ZNF732: variants seen among roughly 807,000 people sequenced by gnomAD.
ZNF732 encodes the protein zinc finger protein 732, also known as zinc finger protein LOC654254.
In ZNF732, 12 loss-of-function variants were observed where a neutral mutation model predicts 11.5. The observed-to-expected ratio is 1.05, with a 90% CI of 0.67 to 1.70. ZNF732 has a LOEUF of 1.70. Ranked by LOEUF, ZNF732 falls within the 40% of genes most tolerant of loss-of-function variation. The pLI, the probability that ZNF732 is intolerant of heterozygous loss-of-function variation, is 0.00. For missense variants in ZNF732, 702 were observed against 676.9 expected (o/e 1.04, Z -0.41); for synonymous variants, 231 against 236.5 (o/e 0.98, Z 0.21).
rs1357221152 is a variant in ZNF732 at position 271,899 on chromosome 4, T to C, written c.958A>G (p.Thr320Ala). Reference protein sequence around the residue: ...ECGKVFNRSTTLTKHNRIHTG... With the variant: ...ECGKVFNRSTALTKHNRIHTG... Reference sequence around the variant, plus strand: ...TGAATTCTGTTATGTTTAGTAAGGGTTGTGGACCTATTAAAGACTTTGCCA... The same window carrying C: ...TGAATTCTGTTATGTTTAGTAAGGGCTGTGGACCTATTAAAGACTTTGCCA... Residue 320 changes from threonine (T) to alanine (A), a missense_variant, in exon 4 of 4, where the codon ACC becomes GCC. This residue lies in a region of ZNF732 where 596 missense variants were observed against 557.9 expected (regional missense o/e 1.07). Coordinates refer to ENST00000419098, the MANE Select transcript of ZNF732 (RefSeq NM_001137608.3). 9 of 1,612,290 alleles carry C rather than the reference T, an allele frequency of 5.6e-6. No homozygotes were observed. In the African/African-American group the frequency reaches 9.4e-5, roughly 17 times the overall value.
rs59901961 is a variant in ZNF732 at position 280,294 on chromosome 4, G to GAAAA, written c.227-7668_227-7665dup. Among the ~76,000 whole-genome samples the GAAAA allele has an allele frequency of 3.8e-4, 54 of 142,738 alleles. 1 individual carries two copies. Among genetic ancestry groups the GAAAA allele is most frequent in the South Asian group, 1.1e-3 (5 of 4,558 alleles). 93.6% of individuals were successfully genotyped at this position (142,738 alleles called of 152,430 possible). A position where few individuals can be genotyped will look rare whatever the true frequency, so the allele number is the denominator to read the frequency against. ...TTTGACATGCAATGTACAGCAGTAA[G>GAAAA]AAAAAAAAAAAAAACGGCCAGCTGC... On this transcript the variant is annotated intron_variant, in intron 3 of 3. Coordinates refer to ENST00000419098, the MANE Select transcript of ZNF732 (RefSeq NM_001137608.3).
chr4:295,534 C>T lies in ZNF732; in HGVS notation c.131-1G>A. 6.2e-7 allele frequency: 1 copy of T among 1,608,882 alleles called. No homozygotes were observed. The highest frequency in any genetic ancestry group is 8.5e-7 in the Non-Finnish European group (1 of 1,177,108). ...AGGTCTGGGTTAGAGATAGCAACAC[C>T]TGTTTATTTTAAAAAATTAACATGC... On this transcript the variant is annotated splice_acceptor_variant, in intron 2 of 3. Transcript: ENST00000419098. LOFTEE classifies it high-confidence loss of function.
At chr4:303,866 G>C (rs1244767369) in intron 1 of ZNF732, among the ~76,000 whole-genome samples, 5 of 152,156 alleles carry the variant, frequency 3.3e-5, no homozygotes, top group African/African-American at 1.2e-4. Flanking sequence ...AAGCAGAAGA[G>C]AGAAAGGAGC....
intron 3 of ZNF732, among the ~76,000 whole-genome samples, chr4:273,849 G>A (rs573400027): frequency 8.0e-5 from 12 of 149,808 alleles, no homozygotes; most frequent in Non-Finnish European, 1.8e-4. Context: ...AAAGAATTGG[G>A]ATATTGTTAA....
chr4:287,599 A>G (rs782751367), intron 3 of ZNF732, among the ~76,000 whole-genome samples: 16 of 152,072 alleles, frequency 1.1e-4, no homozygotes, highest in Admixed American at 8.5e-4. Flanking sequence ...TTCAAATTCA[A>G]TGTAATCCTG....
intron 3 of ZNF732, among the ~76,000 whole-genome samples, chr4:287,523 CTTG>C (rs1416235511): frequency 3.9e-5 from 6 of 152,084 alleles, no homozygotes; most frequent in African/African-American, 1.4e-4. Context: ...CCAACACACT[CTTG>C]AACATACTCT....
At chr4:276,322 CCA>C (rs1214384550) in intron 3 of ZNF732, among the ~76,000 whole-genome samples, 2 of 151,838 alleles carry the variant, frequency 1.3e-5, no homozygotes, top group African/African-American at 4.8e-5. Context: ...GACTTATGCT[CCA>C]CAGTCTTACA....
At chr4:299,881 T>A (rs1333741857) in intron 1 of ZNF732, among the ~76,000 whole-genome samples, 1 of 145,532 alleles carries the variant, frequency 6.9e-6, no homozygotes, top group Non-Finnish European at 1.5e-5. Flanking sequence ...TTTTTTTTTT[T>A]TAAGTAGAGA....
At chr4:287,284 G>A (rs1223927054) in intron 3 of ZNF732, among the ~76,000 whole-genome samples, 11 of 151,382 alleles carry the variant, frequency 7.3e-5, no homozygotes, top group East Asian at 2.0e-4. Context: ...GCGTGATCTC[G>A]GCTCACTGCA....
At chr4:281,424 A>T (rs1240405787) in intron 3 of ZNF732, among the ~76,000 whole-genome samples, 1 of 152,254 alleles carries the variant, frequency 6.6e-6, no homozygotes, top group African/African-American at 2.4e-5. Flanking sequence ...AGAGCGACAC[A>T]GCAGGAGCCA....
intron 1 of ZNF732, among the ~76,000 whole-genome samples, chr4:298,958 T>C (rs889590727): frequency 2.6e-5 from 4 of 152,208 alleles, no homozygotes; most frequent in South Asian, 4.1e-4. Flanking sequence ...ATCAGGTCAC[T>C]GGACAAGATC....
intron 3 of ZNF732, among the ~76,000 whole-genome samples, chr4:275,125 A>G (rs1376339411): frequency 6.6e-6 from 1 of 151,640 alleles, no homozygotes; most frequent in African/African-American, 2.4e-5. Flanking sequence ...CTCATACAAT[A>G]TTCTCCTTGA....
chr4:292,043 A>G (rs1719850250), intron 3 of ZNF732, among the ~76,000 whole-genome samples: 1 of 152,222 alleles, frequency 6.6e-6, no homozygotes, highest in East Asian at 1.9e-4. Flanking sequence ...TCATTTTCTT[A>G]CACCATACCC....
chr4:300,278 C>A (rs1415154899), intron 1 of ZNF732, among the ~76,000 whole-genome samples: 2 of 150,600 alleles, frequency 1.3e-5, no homozygotes, highest in East Asian at 2.0e-4. Context: ...CTGGCTAACA[C>A]GGTGAAACCC....
At chr4:283,420 T>C (rs573494094) in intron 3 of ZNF732, among the ~76,000 whole-genome samples, 7 of 150,904 alleles carry the variant, frequency 4.6e-5, no homozygotes, top group Admixed American at 6.6e-5. Context: ...GGTTCAAGGA[T>C]GAAAAAAAAA....
chr4:303,440 A>T (rs1480879590), intron 1 of ZNF732, among the ~76,000 whole-genome samples: 1 of 152,090 alleles, frequency 6.6e-6, no homozygotes, highest in Non-Finnish European at 1.5e-5. Context: ...AACATGGTGA[A>T]ACTCCCTCTC....
intron 3 of ZNF732, among the ~76,000 whole-genome samples, chr4:273,068 C>G (rs1719422943): frequency 6.6e-6 from 1 of 152,048 alleles, no homozygotes; most frequent in South Asian, 2.1e-4. Context: ...ACAAAGAGTG[C>G]TGAAAGAAAT....
intron 3 of ZNF732, among the ~76,000 whole-genome samples, chr4:285,544 ATGTG>A (rs1560160430): frequency 6.6e-6 from 1 of 152,168 alleles, no homozygotes; most frequent in East Asian, 1.9e-4. Flanking sequence ...CCTAGCGTGC[ATGTG>A]TGTGAATGTG....
At chr4:283,060 AAATT>A (rs1181479039) in intron 3 of ZNF732, among the ~76,000 whole-genome samples, 1 of 152,186 alleles carries the variant, frequency 6.6e-6, no homozygotes, top group Non-Finnish European at 1.5e-5. Context: ...CATTGTGAGA[AAATT>A]AATAAGTGAG....
Sources: allele counts gnomAD v4.1 joint callset (sites outside exome capture counted in the v4.1 genomes callset), GRCh38; gene constraint gnomAD v4.1.1; regional missense constraint gnomAD v4.1.1; transcripts MANE v1.5; gene names NCBI Gene and HGNC (gene_info 2026-07-23, HGNC 2026-07-21).